CACNA1C: variants seen among roughly 807,000 people sequenced by gnomAD.
The protein encoded by CACNA1C is calcium voltage-gated channel subunit alpha1 C, also known as voltage-dependent L-type calcium channel subunit alpha-1C.
Under a neutral mutation model 229.0 loss-of-function variants are expected in CACNA1C, and 30 were observed. That is an observed-to-expected ratio of 0.13 (90% CI 0.10 to 0.18). CACNA1C has a LOEUF of 0.18. Ranked by LOEUF, CACNA1C falls within the 10% of genes least tolerant of loss-of-function variation. The pLI, the probability that CACNA1C is intolerant of heterozygous loss-of-function variation, is 1.00. For synonymous variants in CACNA1C, 1,114 were observed against 1,132.5 expected (o/e 0.98, Z 0.33); for missense variants, 1,658 against 2,845.0 (o/e 0.58, Z 9.49).
At chr12:2,548,898 A>T (rs2099889153) in intron 9 of CACNA1C, among the ~76,000 whole-genome samples, 1 of 152,150 alleles carries the variant, frequency 6.6e-6, no homozygotes, top group Non-Finnish European at 1.5e-5. Flanking sequence ...TCAGCATATG[A>T]GGAGTTCTAT....
intron 3 of CACNA1C, among the ~76,000 whole-genome samples, chr12:2,158,240 G>A (rs1406835459): frequency 6.6e-6 from 1 of 152,168 alleles, no homozygotes; most frequent in Non-Finnish European, 1.5e-5. Context: ...CTATCCCAAG[G>A]GTACATCTTT....
chr12:2,610,607 C>A lies in CACNA1C; in HGVS notation c.3625C>A (p.Gln1209Lys), dbSNP rs1336756175. ...GAGGTACATCCCCAAGAACCAGCAC[C>A]AGTACAAAGTGTGGTACGTGGTCAA... ...LRRYIPKNQHQYKVWYVVNST... is the reference protein window; with the variant it reads ...LRRYIPKNQHKYKVWYVVNST... The change falls in exon 28 of 47, where the codon CAG (glutamine) becomes AAG (lysine). Residue 1209 changes from glutamine to lysine, a missense_variant. Coordinates refer to ENST00000399655, the MANE Select transcript of CACNA1C (RefSeq NM_000719.7). 6.2e-7 allele frequency: 1 copy of A among 1,614,160 alleles called. No homozygotes were observed.
At position 2,416,458 on chromosome 12, in the gene CACNA1C, T is replaced by G. The variant is rs148375832; in HGVS notation, c.478-32518T>G. Reference sequence around the variant, plus strand: ...GAAGGAGTGGGGGACGATTGTAATATTTATAAGTTTTAACCCAATAGGGTA... The same window carrying G: ...GAAGGAGTGGGGGACGATTGTAATAGTTATAAGTTTTAACCCAATAGGGTA... On this transcript the variant is annotated intron_variant, in intron 3 of 46. Coordinates refer to ENST00000399655, the MANE Select transcript of CACNA1C (RefSeq NM_000719.7). Among the ~76,000 whole-genome samples, 13 of 152,202 alleles carry G rather than the reference T, an allele frequency of 8.5e-5. No homozygotes were observed. In the East Asian group the frequency reaches 2.5e-3, roughly 29 times the overall value.
chr12:2,657,052 A>G (rs1382689966), intron 34 of CACNA1C, among the ~76,000 whole-genome samples: 1 of 152,226 alleles, frequency 6.6e-6, no homozygotes, highest in Non-Finnish European at 1.5e-5. Flanking sequence ...AGACATTTCC[A>G]AGTGTTTAAG....
chr12:2,466,368 C>T lies in CACNA1C; in HGVS notation c.757+8662C>T, dbSNP rs1031141352. On this transcript the variant is annotated intron_variant, in intron 5 of 46. Coordinates refer to ENST00000399655, the MANE Select transcript of CACNA1C (RefSeq NM_000719.7). ...AGGAGGCTAGGCAGCAGGCATGGTCCCTGCAAACAGCTCCTGAACCTCGCT... is the reference window on the plus strand; with the variant it reads ...AGGAGGCTAGGCAGCAGGCATGGTCTCTGCAAACAGCTCCTGAACCTCGCT... 2.8e-4 allele frequency among the ~76,000 whole-genome samples: 42 copies of T among 152,158 alleles called. 1 individual carries two copies. The highest frequency in any genetic ancestry group is 2.7e-3 in the Admixed American group (41 of 15,274).
At chr12:2,030,628 G>A (rs762605984) in intron 1 of CACNA1C, among the ~76,000 whole-genome samples, 1 of 152,182 alleles carries the variant, frequency 6.6e-6, no homozygotes, top group Admixed American at 6.5e-5. Context: ...CCTTAGGTGC[G>A]TGTGAAGTTG....
At chr12:2,501,465 G>A (rs2099760089) in intron 7 of CACNA1C, among the ~76,000 whole-genome samples, 1 of 152,174 alleles carries the variant, frequency 6.6e-6, no homozygotes, top group African/African-American at 2.4e-5. Flanking sequence ...CCTTACACAA[G>A]TAGGCGCTCG....
At chr12:2,320,369 A>T (rs1198283161) in intron 3 of CACNA1C, among the ~76,000 whole-genome samples, 2 of 152,254 alleles carry the variant, frequency 1.3e-5, no homozygotes, top group African/African-American at 4.8e-5. Flanking sequence ...TGCATATTTT[A>T]GCAAAAATAA....
At chr12:2,305,396 G>GTGCTC (rs959879457) in intron 3 of CACNA1C, among the ~76,000 whole-genome samples, 8 of 152,348 alleles carry the variant, frequency 5.3e-5, no homozygotes, top group African/African-American at 1.4e-4. Flanking sequence ...TCCCAGCCTG[G>GTGCTC]TGCTCCTTCC....
rs141536267 is a variant in CACNA1C at position 2,527,987 on chromosome 12, A to G, written c.1390+15003A>G. On this transcript the variant is annotated intron_variant, in intron 9 of 46. Coordinates refer to ENST00000399655, the MANE Select transcript of CACNA1C (RefSeq NM_000719.7). ...AGATGGTATACAATCATGTCCATGA[A>G]TTATAATTTCCATAATCCCTTAGTA... 7.8e-4 allele frequency among the ~76,000 whole-genome samples: 119 copies of G among 152,332 alleles called. 1 individual carries two copies. In the East Asian group the frequency reaches 0.021, roughly 27 times the overall value.
At chr12:2,426,604 G>A (rs2099034883) in intron 3 of CACNA1C, among the ~76,000 whole-genome samples, 1 of 152,220 alleles carries the variant, frequency 6.6e-6, no homozygotes, top group Non-Finnish European at 1.5e-5. Flanking sequence ...ATACTTAGTG[G>A]CTTTAAACAA....
At chr12:2,094,868 C>T (rs934810077) in intron 1 of CACNA1C, among the ~76,000 whole-genome samples, 2 of 152,160 alleles carry the variant, frequency 1.3e-5, no homozygotes, top group Non-Finnish European at 2.9e-5. Flanking sequence ...CCTTCCTGTG[C>T]CTCTCCTTCA....
chr12:2,069,941 A>T (rs2154522960), intron 1 of CACNA1C, among the ~76,000 whole-genome samples: 1 of 152,238 alleles, frequency 6.6e-6, no homozygotes, highest in South Asian at 2.1e-4. Flanking sequence ...AGTAGCTGGG[A>T]CTACAAGTGT....
chr12:2,294,631 G>A (rs1319115456), intron 3 of CACNA1C, among the ~76,000 whole-genome samples: 1 of 152,070 alleles, frequency 6.6e-6, no homozygotes, highest in African/African-American at 2.4e-5. Flanking sequence ...GCAAGGGAGC[G>A]TGGCCTCAGG....
Position 2,585,797 on chromosome 12 carries a change from C to G in CACNA1C, c.2461-38C>G. 6.8e-7 allele frequency: 1 copy of G among 1,460,248 alleles called. No individual in the cohort carries two copies. The highest frequency in any genetic ancestry group is 2.3e-5 in the East Asian group (1 of 43,214). The allele number at this position is 1,460,248 out of a possible 1,614,324, so 90.5% of individuals were successfully genotyped here. On this transcript the variant is annotated intron_variant, in intron 17 of 46. Transcript: ENST00000399655. This position sits in a 1 kb window ranked among gnomAD's most constrained non-coding sequence, Gnocchi z 4.1. ...CAAGCCTCTTAACTTGGGGACGTAT[C>G]TAACTATTCTTCCCCCTTCTCCCCT...
At chr12:2,072,161 C>T (rs1372367239) in intron 1 of CACNA1C, among the ~76,000 whole-genome samples, 1 of 151,198 alleles carries the variant, frequency 6.6e-6, no homozygotes, top group Non-Finnish European at 1.5e-5. Flanking sequence ...CAAATGTATG[C>T]AACAAGATTA....
chr12:2,213,181 G>T (rs565521099), intron 3 of CACNA1C, among the ~76,000 whole-genome samples: 1 of 152,260 alleles, frequency 6.6e-6, no homozygotes, highest in South Asian at 2.1e-4. Flanking sequence ...CAAGGAGCTG[G>T]ACGGGCATCT....
intron 18 of CACNA1C, among the ~76,000 whole-genome samples, chr12:2,588,963 G>T (rs1452653430): frequency 6.6e-6 from 1 of 152,180 alleles, no homozygotes; most frequent in Non-Finnish European, 1.5e-5. Flanking sequence ...GACAAGGAGA[G>T]CCATGAGGTG....
intron 37 of CACNA1C, among the ~76,000 whole-genome samples, chr12:2,667,959 C>T (rs1316698400): frequency 2.6e-5 from 4 of 152,214 alleles, no homozygotes; most frequent in African/African-American, 9.6e-5. Context: ...ACCAGAGCTC[C>T]GTGCCAGGGA....
Sources: allele counts gnomAD v4.1 joint callset (sites outside exome capture counted in the v4.1 genomes callset), GRCh38; gene constraint gnomAD v4.1.1; non-coding constraint Gnocchi (gnomAD v3.1); transcripts MANE v1.5; gene names NCBI Gene and HGNC (gene_info 2026-07-23, HGNC 2026-07-21).